The following ULK4 variants were observed in gnomAD, a reference collection of about 807,000 sequenced individuals.
The protein encoded by ULK4 is unc-51 like kinase 4, also known as inactive serine/threonine-protein kinase ULK4.
In ULK4, 133 loss-of-function variants were observed where a neutral mutation model predicts 160.6. That is an observed-to-expected ratio of 0.83 (90% CI 0.72 to 0.96). The LOEUF (loss-of-function observed/expected upper bound fraction) is 0.96. Ranked by LOEUF, ULK4 falls within the 40% of genes least tolerant of loss-of-function variation. The pLI is 0.00. For missense variants in ULK4, 1,580 were observed against 1,499.5 expected (o/e 1.05, Z -0.89); for synonymous variants, 534 against 539.8 (o/e 0.99, Z 0.15).
intron 21 of ULK4, among the ~76,000 whole-genome samples, chr3:41,783,986 C>T (rs187587044): frequency 1.6e-4 from 25 of 152,176 alleles, no homozygotes; most frequent in Admixed American, 1.6e-3. Flanking sequence ...AAACTCATAC[C>T]TAACCTACAA....
At chr3:41,475,774 A>T (rs983753669) in intron 32 of ULK4, among the ~76,000 whole-genome samples, 2 of 152,180 alleles carry the variant, frequency 1.3e-5, no homozygotes, top group Non-Finnish European at 1.5e-5. Context: ...TCAAGCTACC[A>T]GATCTTCCAT....
chr3:41,383,473 G>A (rs1404119123), intron 35 of ULK4, among the ~76,000 whole-genome samples: 1 of 152,114 alleles, frequency 6.6e-6, no homozygotes, highest in Non-Finnish European at 1.5e-5. Context: ...GACTGGTTTT[G>A]TTAAGAGCAT....
At chr3:41,336,267 T>C (rs2080553562) in intron 35 of ULK4, among the ~76,000 whole-genome samples, 1 of 152,182 alleles carries the variant, frequency 6.6e-6, no homozygotes, top group Non-Finnish European at 1.5e-5. Flanking sequence ...ACAAATCAAT[T>C]AGCAGGAGCT....
At chr3:41,299,021 A>C (rs560541311) in intron 35 of ULK4, among the ~76,000 whole-genome samples, 6 of 152,336 alleles carry the variant, frequency 3.9e-5, no homozygotes. Flanking sequence ...GCAACACTGC[A>C]GCTCCTCCCA....
intron 35 of ULK4, among the ~76,000 whole-genome samples, chr3:41,348,441 TTC>T (rs1354722410): frequency 2.0e-5 from 3 of 152,066 alleles, no homozygotes; most frequent in Non-Finnish European, 4.4e-5. Flanking sequence ...TGACACTGAT[TTC>T]TGTCTCAAAA....
chr3:41,533,459 A>G (rs1383642284), intron 32 of ULK4, among the ~76,000 whole-genome samples: 2 of 152,250 alleles, frequency 1.3e-5, no homozygotes, highest in African/African-American at 4.8e-5. Flanking sequence ...TTTAATAACT[A>G]AATTTTATAA....
At chr3:41,592,352 T>C (rs2031396563) in intron 31 of ULK4, among the ~76,000 whole-genome samples, 1 of 152,174 alleles carries the variant, frequency 6.6e-6, no homozygotes, top group Non-Finnish European at 1.5e-5. Flanking sequence ...AAACCATTTC[T>C]GCCTTGCCTC....
intron 27 of ULK4, among the ~76,000 whole-genome samples, chr3:41,702,528 T>G (rs1472264233): frequency 6.6e-6 from 1 of 152,096 alleles, no homozygotes; most frequent in African/African-American, 2.4e-5. Flanking sequence ...AGGAAAAGAA[T>G]GAAAAAACAT....
At chr3:41,801,532 T>TAAA (rs113457882) in intron 19 of ULK4, among the ~76,000 whole-genome samples, 3 of 142,764 alleles carry the variant, frequency 2.1e-5, no homozygotes, top group African/African-American at 7.7e-5. Flanking sequence ...CAGACTGCTT[T>TAAA]AAAAAAAAAA....
At chr3:41,388,736 C>T (rs960551375) in intron 35 of ULK4, among the ~76,000 whole-genome samples, 1 of 151,954 alleles carries the variant, frequency 6.6e-6, no homozygotes, top group Non-Finnish European at 1.5e-5. Flanking sequence ...TGATCTATAT[C>T]TCTGTTTTGG....
chr3:41,659,652 G>A (rs535824078), intron 30 of ULK4, among the ~76,000 whole-genome samples: 1 of 150,118 alleles, frequency 6.7e-6, no homozygotes, highest in South Asian at 2.1e-4. Flanking sequence ...TAAACCCAAG[G>A]GAAAGAAATT....
At chr3:41,743,710 G>A (rs1331184594) in intron 22 of ULK4, among the ~76,000 whole-genome samples, 1 of 151,796 alleles carries the variant, frequency 6.6e-6, no homozygotes, top group African/African-American at 2.4e-5. Flanking sequence ...CTGTTGCCCA[G>A]GCTGGAGTGC....
intron 12 of ULK4, among the ~76,000 whole-genome samples, chr3:41,904,269 A>C (rs1325142668): frequency 1.3e-5 from 2 of 152,088 alleles, no homozygotes; most frequent in Non-Finnish European, 2.9e-5. Flanking sequence ...CTCTACTAAA[A>C]ATACAAAAAA....
intron 1 of ULK4, among the ~76,000 whole-genome samples, chr3:41,955,265 G>A (rs1576016470): frequency 6.6e-6 from 1 of 152,222 alleles, no homozygotes; most frequent in East Asian, 1.9e-4. Flanking sequence ...ACTCCAACCA[G>A]GGCGACAAGG....
intron 27 of ULK4, among the ~76,000 whole-genome samples, chr3:41,698,626 T>C (rs747832651): frequency 6.6e-6 from 1 of 152,204 alleles, no homozygotes; most frequent in Non-Finnish European, 1.5e-5. Context: ...AACCTGTATA[T>C]AGGCTTACCT....
At chr3:41,377,934 T>C (rs1255867784) in intron 35 of ULK4, among the ~76,000 whole-genome samples, 9 of 151,564 alleles carry the variant, frequency 5.9e-5, no homozygotes, top group Admixed American at 2.6e-4. Flanking sequence ...TGTATGTTTA[T>C]TGCAGCACTA....
chr3:41,796,752 A>G (rs1255982652), intron 20 of ULK4, among the ~76,000 whole-genome samples: 1 of 152,228 alleles, frequency 6.6e-6, no homozygotes, highest in East Asian at 1.9e-4. Context: ...CTAGCTTTGA[A>G]TAGTGAGAAG....
chr3:41,402,734 T>C (rs1210039162), intron 34 of ULK4, among the ~76,000 whole-genome samples: 1 of 152,210 alleles, frequency 6.6e-6, no homozygotes, highest in Non-Finnish European at 1.5e-5. Flanking sequence ...CTTTATACAT[T>C]GATGTATTCA....
intron 18 of ULK4, among the ~76,000 whole-genome samples, chr3:41,830,458 A>G (rs1458229488): frequency 1.3e-5 from 2 of 152,092 alleles, no homozygotes; most frequent in South Asian, 2.1e-4. Context: ...GTAGGGGATT[A>G]AAAAGGGTGC....
Sources: allele counts gnomAD v4.1 joint callset (sites outside exome capture counted in the v4.1 genomes callset), GRCh38; gene constraint gnomAD v4.1.1; transcripts MANE v1.5; gene names NCBI Gene and HGNC (gene_info 2026-07-23, HGNC 2026-07-21).